Variants in DRC8 observed in about 807,000 individuals in gnomAD.
The protein encoded by DRC8 is dynein regulatory complex subunit 8.
the DRC8 span, among the ~76,000 whole-genome samples, chr1:245,102,761 C>T: frequency 1.3e-5 from 2 of 152,210 alleles, no homozygotes; most frequent in Non-Finnish European, 2.9e-5. Context: ...TACAGACTTT[C>T]GAAAAGTGAT....
At chr1:245,030,323 C>A in the DRC8 span, among the ~76,000 whole-genome samples, 1 of 152,032 alleles carries the variant, frequency 6.6e-6, no homozygotes, top group Non-Finnish European at 1.5e-5. Flanking sequence ...TTTCTCAGTT[C>A]GAGCAAGTTT....
At chr1:245,022,103 A>G in the DRC8 span, among the ~76,000 whole-genome samples, 1 of 151,408 alleles carries the variant, frequency 6.6e-6, no homozygotes, top group Non-Finnish European at 1.5e-5. Context: ...GGTTTTCAAT[A>G]TCACTAATTA....
the DRC8 span, among the ~76,000 whole-genome samples, chr1:245,034,350 C>T: frequency 6.6e-6 from 1 of 151,984 alleles, no homozygotes. Flanking sequence ...CCTGTAATCC[C>T]AGCATTTTGG....
chr1:245,102,812 G>A, the DRC8 span, among the ~76,000 whole-genome samples: 1 of 152,234 alleles, frequency 6.6e-6, no homozygotes, highest in Non-Finnish European at 1.5e-5. Flanking sequence ...CCAATCAGAT[G>A]TCTTCCTCAT....
At chr1:244,987,517 CTAGTGTTTTGGTGGTA>C in the DRC8 span, among the ~76,000 whole-genome samples, 1 of 151,852 alleles carries the variant, frequency 6.6e-6, no homozygotes, top group Non-Finnish European at 1.5e-5. Context: ...CATTTTAAGC[CTAGTGTTTTGGTGGTA>C]TATTGTCTTT....
chr1:245,083,844 C>A, the DRC8 span: 1 of 1,066,978 alleles, frequency 9.4e-7, no homozygotes, highest in Non-Finnish European at 1.3e-6. Flanking sequence ...GGTTTCTGTT[C>A]TGTGGGGGTT....
chr1:244,970,405 G>T, the DRC8 span: 1 of 1,539,204 alleles, frequency 6.5e-7, no homozygotes, highest in South Asian at 1.2e-5. Context: ...CCAGGCGACC[G>T]GCTCCGCAGC....
At chr1:244,979,162 C>G in the DRC8 span, among the ~76,000 whole-genome samples, 1 of 152,014 alleles carries the variant, frequency 6.6e-6, no homozygotes, top group South Asian at 2.1e-4. Flanking sequence ...ATGTCTGCTT[C>G]TCCTAGACTC....
chr1:245,050,947 G>A, the DRC8 span, among the ~76,000 whole-genome samples: 17 of 152,146 alleles, frequency 1.1e-4, no homozygotes, highest in East Asian at 1.5e-3. Context: ...CCACGATCTC[G>A]GTTCACTGCA....
the DRC8 span, among the ~76,000 whole-genome samples, chr1:245,051,833 C>G: frequency 6.6e-6 from 1 of 152,066 alleles, no homozygotes; most frequent in Non-Finnish European, 1.5e-5. Context: ...AGTGTGGAAA[C>G]GAAAAACTAA....
chr1:245,005,600 C>T, the DRC8 span, among the ~76,000 whole-genome samples: 1 of 152,132 alleles, frequency 6.6e-6, no homozygotes, highest in Non-Finnish European at 1.5e-5. Context: ...GCCTCGGCCT[C>T]CCAAAGTGCT....
the DRC8 span, among the ~76,000 whole-genome samples, chr1:245,076,024 G>T: frequency 6.6e-6 from 1 of 152,112 alleles, no homozygotes; most frequent in Non-Finnish European, 1.5e-5. Flanking sequence ...AGAAGGTGTT[G>T]AATGCGCCTA....
At chr1:245,082,713 T>C in the DRC8 span, among the ~76,000 whole-genome samples, 1 of 151,988 alleles carries the variant, frequency 6.6e-6, no homozygotes, top group Non-Finnish European at 1.5e-5. Flanking sequence ...TTTATTTTAT[T>C]TTATTTTTGA....
the DRC8 span, among the ~76,000 whole-genome samples, chr1:245,009,470 A>ATT: frequency 4.6e-3 from 645 of 139,664 alleles, 5 homozygotes; most frequent in Non-Finnish European, 5.3e-3. Context: ...AATCCAAACG[A>ATT]TTTTTTTTTT....
At chr1:245,023,936 G>A in the DRC8 span, among the ~76,000 whole-genome samples, 6 of 152,042 alleles carry the variant, frequency 3.9e-5, no homozygotes, top group Non-Finnish European at 7.4e-5. Context: ...TTGGGAGGCC[G>A]AGGTGGGCAG....
chr1:244,986,214 C>G, the DRC8 span, among the ~76,000 whole-genome samples: 29 of 152,224 alleles, frequency 1.9e-4, no homozygotes, highest in South Asian at 6.2e-4. Context: ...CTCGGCCTCC[C>G]AAAGTGCTGG....
the DRC8 span, among the ~76,000 whole-genome samples, chr1:245,004,176 A>T: frequency 6.6e-6 from 1 of 152,084 alleles, no homozygotes; most frequent in African/African-American, 2.4e-5. Flanking sequence ...TAGCCTCTGG[A>T]GCAGCTGGGA....
At chr1:245,105,479 C>T in the DRC8 span, among the ~76,000 whole-genome samples, 1 of 151,660 alleles carries the variant, frequency 6.6e-6, no homozygotes, top group African/African-American at 2.4e-5. Flanking sequence ...ATTAGCCAGG[C>T]ATGGTGGTGT....
At chr1:245,089,566 T>G in the DRC8 span, among the ~76,000 whole-genome samples, 2 of 147,208 alleles carry the variant, frequency 1.4e-5, no homozygotes, top group African/African-American at 5.0e-5. This position sits in a 1 kb window ranked among gnomAD's most constrained non-coding sequence, Gnocchi z 4.8. Context: ...GAGAGGGAAG[T>G]TAAAGACGGA....
Sources: gnomAD v4.1 joint callset for allele counts (sites outside exome capture counted in the v4.1 genomes callset) on GRCh38, gnomAD v4.1.1 for gene constraint, Gnocchi (gnomAD v3.1) non-coding constraint, MANE v1.5 for transcripts, NCBI Gene and HGNC (gene_info 2026-07-23, HGNC 2026-07-21) for gene names.